The following BEST2 variants were observed in gnomAD, a reference collection of about 807,000 sequenced individuals.
BEST2 encodes bestrophin 2, also known as bestrophin-2a.
BEST2 carries 36 observed loss-of-function variants against 49.0 expected under a neutral mutation model. That is an observed-to-expected ratio of 0.73 (90% confidence interval 0.56 to 0.97). The LOEUF (loss-of-function observed/expected upper bound fraction) is 0.97, where lower values mean the gene tolerates loss of function less well. BEST2 is among the 50% of genes least tolerant of loss of function. The pLI, the probability that BEST2 is intolerant of heterozygous loss-of-function variation, is 0.00. For missense variants in BEST2, 672 were observed against 710.0 expected, an observed-to-expected ratio of 0.95 and a Z score of 0.61; for synonymous variants, 335 against 304.4, an observed-to-expected ratio of 1.10 and a Z score of -1.05.
Position 12,757,905 on chromosome 19 carries a change from T to A in BEST2, c.1358T>A (p.Leu453His). ...GAGTGCAGCTGCGGGGACCCGCTGC[T>A]CGACCCCGGCCTGCCGGAGCCCGAG... ...APECSCGDPL[L>H]DPGLPEPEAP... Residue 453 changes from leucine (L) to histidine (H), a missense_variant, in exon 10 of 10, where the codon CTC becomes CAC. Coordinates refer to ENST00000553030, the MANE Select transcript of BEST2 (RefSeq NM_017682.3). 1.3e-6 allele frequency: 2 copies of A among 1,556,138 alleles called. No homozygotes were observed. The highest frequency in any genetic ancestry group is 1.7e-6 in the Non-Finnish European group (2 of 1,151,668).
chr19:12,756,277 G>C lies in BEST2; in HGVS notation c.1085G>C (p.Gly362Ala). The C allele has an allele frequency of 6.2e-7, 1 of 1,613,378 alleles. No homozygotes were observed. The highest frequency in any genetic ancestry group is 1.1e-5 in the South Asian group (1 of 91,090). ...CAGCTGCGGCAGCCTTCCTTCCAGG[G>C]CTCCACCTTTGACATCACGTGAGCC... ...VFQLRQPSFQ[G>A]STFDITLAKE... Residue 362 changes from glycine to alanine, a missense_variant, in exon 9 of 10, where the codon GGC (glycine) becomes GCC (alanine). By Grantham distance (60) the Gly-to-Ala change is moderately conservative. Transcript: ENST00000553030.
chr19:12,755,103 G>T lies in BEST2; in HGVS notation c.636+72G>T. On this transcript the variant is annotated intron_variant, in intron 5 of 9. Coordinates refer to ENST00000553030, the MANE Select transcript of BEST2 (RefSeq NM_017682.3). This position sits in a 1 kb window ranked among gnomAD's most constrained non-coding sequence, Gnocchi z 4.4. ...TACCCCTGGAGCTGTGTCAACGGCG[G>T]CCCTCCAAGCACCCCCACGAGGCCG... The T allele has an allele frequency of 6.6e-7, 1 of 1,505,682 alleles. No individual in the cohort carries two copies. The highest frequency in any genetic ancestry group is 1.3e-5 in the South Asian group (1 of 75,002). 93.3% of individuals were successfully genotyped at this position (1,505,682 alleles called of 1,614,324 possible).
rs1166943433 is a variant in BEST2, at chr19:12,758,235, G to T, written c.*158G>T. On this transcript the variant is annotated 3_prime_UTR_variant, in exon 10 of 10. Transcript: ENST00000553030. ...GCATGTGTTTGGCGCTGTGCTAGGG[G>T]CGGGAGTTCTTCCAGACTCTTGGAC... is the stretch of plus-strand genomic sequence containing the variant. 4 of 947,174 alleles carry T rather than the reference G, an allele frequency of 4.2e-6. No individual in the cohort carries two copies. The African/African-American group carries it at 6.7e-5, about 16-fold the overall frequency. The allele number at this position is 947,174 out of a possible 1,614,324, so 58.7% of individuals were successfully genotyped here. A position where few individuals can be genotyped will look rare whatever the true frequency, so the allele number is the denominator to read the frequency against.
Position 12,758,008 on chromosome 19 carries a change from C to G in BEST2, c.1461C>G (p.Pro487=), listed in dbSNP as rs1407842818. The change falls in exon 10 of 10, where the codon CCC becomes CCG. Residue 487 remains proline (P), a synonymous_variant. Transcript: ENST00000553030. ...AGCCCTTCAGCATCGTGACCATGCC[C>G]GGGCCCCGGGGTCCGGCGCCACCCT... ...PVEPFSIVTM[P]GPRGPAPPWL... is the part of the protein sequence containing the mutation. The G allele has an allele frequency of 6.2e-7, 1 of 1,612,634 alleles. No individual in the cohort carries two copies. Among genetic ancestry groups the G allele is most frequent in the African/African-American group, 1.3e-5 (1 of 74,934 alleles).
Position 12,756,258 on chromosome 19 carries a change from C to G in BEST2, c.1066C>G (p.Arg356Gly). The change falls in exon 9 of 10, where the codon CGG becomes GGG. Residue 356 changes from arginine (R) to glycine (G), a missense_variant. By Grantham distance (125) the Arg-to-Gly change is moderately radical. Transcript: ENST00000553030. ...PYTAATVFQL[R>G]QPSFQGSTFD... ...CACAGCGGCTACTGTCTTCCAGCTGCGGCAGCCTTCCTTCCAGGGCTCCAC... is the reference window on the plus strand; with the variant it reads ...CACAGCGGCTACTGTCTTCCAGCTGGGGCAGCCTTCCTTCCAGGGCTCCAC... 1 of 1,613,914 alleles carries G rather than the reference C, an allele frequency of 6.2e-7. No individual in the cohort carries two copies. The highest frequency in any genetic ancestry group is 1.1e-5 in the South Asian group (1 of 91,092).
chr19:12,758,351 A>G lies in BEST2; in HGVS notation c.*274A>G. The G allele has an allele frequency of 1.9e-6, 1 of 519,760 alleles. No homozygotes were observed. 32.2% of individuals were successfully genotyped at this position (519,760 alleles called of 1,614,324 possible). A position where few individuals can be genotyped will look rare whatever the true frequency, so the allele number is the denominator to read the frequency against. ...CTGCCTGAATTCTTTCCTTCAAGTG[A>G]AGATGTGACTGACTACCTCCTCGAG... On this transcript the variant is annotated 3_prime_UTR_variant, in exon 10 of 10. Transcript: ENST00000553030.
In BEST2 at chr19:12,754,708, CGG is replaced by C; in HGVS notation, c.405_406del (p.Ala136ArgfsTer36). The C allele has an allele frequency of 6.3e-7, 1 of 1,589,468 alleles. No individual in the cohort carries two copies. The highest frequency in any genetic ancestry group is 8.6e-7 in the Non-Finnish European group (1 of 1,167,876). On this transcript the variant is annotated frameshift_variant, in exon 4 of 10. Coordinates refer to ENST00000553030, the MANE Select transcript of BEST2 (RefSeq NM_017682.3). LOFTEE classifies it high-confidence loss of function. ...ACACTCATGCGCTACGCAGGGCTCTCGGCCGTGCTCATCCTGCGCTCCGTCAG... is the reference window on the plus strand; with the variant it reads ...ACACTCATGCGCTACGCAGGGCTCTCCCGTGCTCATCCTGCGCTCCGTCAG...
chr19:12,752,743 C>T lies in BEST2; in HGVS notation c.151C>T (p.Arg51Cys), dbSNP rs756350492. Residue 51 changes from arginine to cysteine, a missense_variant and splice_region_variant, in exon 2 of 10, where the codon CGC becomes TGC. By Grantham distance (180) the Arg-to-Cys change is radical. Transcript: ENST00000553030. ...CTACATGGCGCTGAGTGCTGCCTACCGGTGAGGCTGCCCTGAGGTGCTCAT... is the reference window on the plus strand; with the variant it reads ...CTACATGGCGCTGAGTGCTGCCTACTGGTGAGGCTGCCCTGAGGTGCTCAT... ...GFYMALSAAY[R>C]FVLTEGQKRY... The T allele has an allele frequency of 6.8e-6, 11 of 1,610,336 alleles. No homozygotes were observed. Among genetic ancestry groups the T allele is most frequent in the African/African-American group, 2.7e-5 (2 of 74,644 alleles).
intron 9 of BEST2, 87 bp from the exon 10 acceptor site, chr19:12,757,564 G>A (rs1198677252): frequency 1.4e-6 from 2 of 1,397,810 alleles, no homozygotes; most frequent in Non-Finnish European, 1.9e-6. Context: ...AAAGCGGTGG[G>A]TGGAGTCAGG....
chr19:12,752,883 C>T, intron 2 of BEST2, 139 bp downstream of exon 2: 1 of 676,484 alleles, frequency 1.5e-6, no homozygotes, highest in Non-Finnish European at 2.0e-6. Context: ...GAGTCTCACT[C>T]TGTCACCCAG....
chr19:12,757,524 G>A, intron 9 of BEST2, 127 bp from the exon 10 acceptor site: 2 of 1,064,106 alleles, frequency 1.9e-6, no homozygotes, highest in African/African-American at 1.7e-5. Context: ...TCTGGGTTTA[G>A]GAGCTAAGAT....
Position 12,755,453 on chromosome 19 carries a change from G to A in BEST2, c.711G>A (p.Thr237=), listed in dbSNP as rs771749750. ...GGATTAGCGTACCCCTCGTGTACAC[G>A]CAGGTAACCCCATCATGCCTCTTTT... The part of the protein sequence containing the change: ...YDWISVPLVY[T]QVVTIALYSY... The change falls in exon 6 of 10, where the codon ACG becomes ACA. Residue 237 remains threonine (T), a synonymous_variant. Transcript: ENST00000553030. This position sits in a 1 kb window ranked among gnomAD's most constrained non-coding sequence, Gnocchi z 4.4. 2.0e-5 allele frequency: 33 copies of A among 1,613,946 alleles called. No individual in the cohort carries two copies. The highest frequency in any genetic ancestry group is 2.6e-5 in the Non-Finnish European group (31 of 1,179,978).
chr19:12,756,652 G>C (rs1967948065), intron 9 of BEST2: 1 of 260,406 alleles, frequency 3.8e-6, no homozygotes, highest in South Asian at 4.9e-5. Context: ...GTTCAGACCA[G>C]CCTGGGCAAC....
rs1967943442 is a variant in BEST2 at position 12,756,264 on chromosome 19, C to G, written c.1072C>G (p.Pro358Ala). The G allele has an allele frequency of 6.2e-7, 1 of 1,613,752 alleles. No individual in the cohort carries two copies. The highest frequency in any genetic ancestry group is 8.5e-7 in the Non-Finnish European group (1 of 1,180,038). Reference protein sequence around the residue: ...TAATVFQLRQPSFQGSTFDIT... With the variant: ...TAATVFQLRQASFQGSTFDIT... ...GGCTACTGTCTTCCAGCTGCGGCAG[C>G]CTTCCTTCCAGGGCTCCACCTTTGA... The change falls in exon 9 of 10, where the codon CCT becomes GCT. Residue 358 changes from proline (P) to alanine (A), a missense_variant. Physicochemically the swap from Pro to Ala is conservative, Grantham distance 27. Transcript: ENST00000553030.
At chr19:12,756,052 C>A in intron 8 of BEST2, 89 bp from the exon 9 acceptor site, 2 of 1,597,168 alleles carry the variant, frequency 1.3e-6, no homozygotes, top group Non-Finnish European at 1.7e-6. Flanking sequence ...ATCCTTCCCT[C>A]TGTGGTCCCC....
Position 12,752,694 on chromosome 19 carries a change from A to G in BEST2, c.102A>G (p.Arg34=), listed in dbSNP as rs1198706618. Residue 34 remains arginine, a synonymous_variant, in exon 2 of 10, where the codon CGA becomes CGG. Coordinates refer to ENST00000553030, the MANE Select transcript of BEST2 (RefSeq NM_017682.3). ...GGAGCATCTACAAACTCCTGTGGCGAGAGCTGCTCTGCTTCCTTGGGTTCT... is the reference window on the plus strand; with the variant it reads ...GGAGCATCTACAAACTCCTGTGGCGGGAGCTGCTCTGCTTCCTTGGGTTCT... ...WRGSIYKLLW[R]ELLCFLGFYM... is the part of the protein sequence containing the mutation. 1.9e-6 allele frequency: 3 copies of G among 1,612,178 alleles called. No homozygotes were observed. Among genetic ancestry groups the G allele is most frequent in the African/African-American group, 1.3e-5 (1 of 74,604 alleles).
At position 12,757,942 on chromosome 19, in the gene BEST2, T is replaced by C. The variant is rs1599460058; in HGVS notation, c.1395T>C (p.Pro465=). ...TGCCGGAGCCCGAGGCCCCGCCCCC[T>C]GCGGGTCCCGAACCGCTTACCCTCA... is the stretch of plus-strand genomic sequence containing the variant. ...PGLPEPEAPP[P]AGPEPLTLIP... The change falls in exon 10 of 10, where the codon CCT becomes CCC. Residue 465 remains proline (P), a synonymous_variant. Coordinates refer to ENST00000553030, the MANE Select transcript of BEST2 (RefSeq NM_017682.3). 1 of 1,587,278 alleles carries C rather than the reference T, an allele frequency of 6.3e-7. No individual in the cohort carries two copies. The highest frequency in any genetic ancestry group is 8.6e-7 in the Non-Finnish European group (1 of 1,169,014).
Position 12,754,784 on chromosome 19 carries a change from T to C in BEST2, c.480T>C (p.Ala160=), listed in dbSNP as rs566256345. The C allele has an allele frequency of 1.3e-6, 2 of 1,580,164 alleles. No homozygotes were observed. Among genetic ancestry groups the C allele is most frequent in the Non-Finnish European group, 1.7e-6 (2 of 1,162,554 alleles). Residue 160 remains alanine (A), a splice_region_variant and synonymous_variant, in exon 4 of 10, where the codon GCT becomes GCC. Coordinates refer to ENST00000553030, the MANE Select transcript of BEST2 (RefSeq NM_017682.3). ...CCACCATAGACCACGTGGTGGAGGC[T>C]GGTGAGTACTCGGCCAGAGGCAGGG... ...RFPTIDHVVE[A]GFMTREERKK...
chr19:12,757,255 A>G (rs1245636928), intron 9 of BEST2, among the ~76,000 whole-genome samples: 1 of 152,064 alleles, frequency 6.6e-6, no homozygotes, highest in Non-Finnish European at 1.5e-5. Flanking sequence ...TCTACTAAAA[A>G]TACAAAAATT....
Sources: allele counts gnomAD v4.1 joint callset (sites outside exome capture counted in the v4.1 genomes callset), GRCh38; gene constraint gnomAD v4.1.1; non-coding constraint Gnocchi (gnomAD v3.1); transcripts MANE v1.5; gene names NCBI Gene and HGNC (gene_info 2026-07-23, HGNC 2026-07-21).